NDST4: variants seen among roughly 807,000 people sequenced by gnomAD.
NDST4 encodes N-heparan sulfate sulfotransferase 4.
In NDST4, 63 loss-of-function variants were observed where a neutral mutation model predicts 100.8. The ratio of observed to expected loss-of-function variants is 0.62; its 90% CI spans 0.51 to 0.77. The LOEUF (loss-of-function observed/expected upper bound fraction) is 0.77. Among genes scored for constraint, NDST4 ranks in the 30% least tolerant of loss-of-function variants. The pLI is 0.00. For synonymous variants in NDST4, 377 were observed against 361.8 expected, an observed-to-expected ratio of 1.04 and a Z score of -0.48; for missense variants, 943 against 1,018.4, an observed-to-expected ratio of 0.93 and a Z score of 1.01.
chr4:115,055,663 A>G (rs1728679210), intron 2 of NDST4, among the ~76,000 whole-genome samples: 1 of 152,126 alleles, frequency 6.6e-6, no homozygotes, highest in Non-Finnish European at 1.5e-5. Flanking sequence ...GGTGATTTCA[A>G]TATGTTTAAT....
intron 6 of NDST4, among the ~76,000 whole-genome samples, chr4:114,880,750 C>A (rs1724349992): frequency 6.6e-6 from 1 of 152,106 alleles, no homozygotes; most frequent in African/African-American, 2.4e-5. Context: ...AAAAAGAGAA[C>A]AGCAGATTAT....
chr4:115,026,319 T>A (rs755889397), intron 2 of NDST4, among the ~76,000 whole-genome samples: 11 of 152,092 alleles, frequency 7.2e-5, no homozygotes, highest in Non-Finnish European at 8.8e-5. Flanking sequence ...TATAGTTAAG[T>A]ATATTTGAAC....
chr4:114,835,641 T>C (rs2126181529), intron 11 of NDST4, among the ~76,000 whole-genome samples: 1 of 152,318 alleles, frequency 6.6e-6, no homozygotes, highest in Non-Finnish European at 1.5e-5. Context: ...TTCCATTTAG[T>C]CCAGAGCTGA....
chr4:114,968,670 T>C (rs1392990453), intron 4 of NDST4, among the ~76,000 whole-genome samples: 2 of 152,214 alleles, frequency 1.3e-5, no homozygotes, highest in Non-Finnish European at 2.9e-5. Flanking sequence ...TAAATGTAAA[T>C]TTTATATAAT....
intron 2 of NDST4, among the ~76,000 whole-genome samples, chr4:114,978,566 A>G (rs971940460): frequency 1.7e-4 from 26 of 152,240 alleles, no homozygotes; most frequent in African/African-American, 6.3e-4. Flanking sequence ...CATTTCTCAT[A>G]GAGATTAAAC....
intron 2 of NDST4, among the ~76,000 whole-genome samples, chr4:115,031,680 T>C (rs1728119057): frequency 6.6e-6 from 1 of 152,082 alleles, no homozygotes; most frequent in African/African-American, 2.4e-5. Context: ...ATCACCTTTC[T>C]CTCCAAACAG....
chr4:114,905,391 C>G (rs1160351133), intron 6 of NDST4, among the ~76,000 whole-genome samples: 1 of 151,696 alleles, frequency 6.6e-6, no homozygotes, highest in African/African-American at 2.4e-5. Flanking sequence ...ACAGAGAGGA[C>G]AATCTGATTT....
chr4:115,023,464 A>G (rs1727905074), intron 2 of NDST4, among the ~76,000 whole-genome samples: 1 of 147,850 alleles, frequency 6.8e-6, no homozygotes, highest in African/African-American at 2.5e-5. Flanking sequence ...CAGCCTGGGC[A>G]ACAAGAGCAA....
intron 6 of NDST4, among the ~76,000 whole-genome samples, chr4:114,913,125 G>GA (rs1220431887): frequency 1.1e-4 from 16 of 140,840 alleles, no homozygotes; most frequent in Middle Eastern, 3.5e-3. Flanking sequence ...ACAGGCCACA[G>GA]AAAAAAAAAT....
intron 2 of NDST4, among the ~76,000 whole-genome samples, chr4:115,045,478 C>T (rs1013883472): frequency 2.0e-5 from 3 of 152,144 alleles, no homozygotes; most frequent in Admixed American, 1.3e-4. Flanking sequence ...GTAGTTTCCA[C>T]AGAAATGATC....
At chr4:114,981,573 G>C (rs1726773730) in intron 2 of NDST4, among the ~76,000 whole-genome samples, 2 of 151,950 alleles carry the variant, frequency 1.3e-5, no homozygotes, top group African/African-American at 4.8e-5. Context: ...TTATCCTCTG[G>C]GGATTCTGAA....
chr4:114,910,570 A>C (rs1333132417), intron 6 of NDST4, among the ~76,000 whole-genome samples: 1 of 152,148 alleles, frequency 6.6e-6, no homozygotes, highest in East Asian at 1.9e-4. Context: ...TATGTTTTTG[A>C]AATGTGTTCT....
intron 2 of NDST4, among the ~76,000 whole-genome samples, chr4:115,055,091 C>T (rs1204541934): frequency 6.6e-6 from 1 of 152,060 alleles, no homozygotes; most frequent in African/African-American, 2.4e-5. Flanking sequence ...GGCGTGAACC[C>T]TATTGTAAAC....
chr4:115,035,376 T>C (rs1174395138), intron 2 of NDST4, among the ~76,000 whole-genome samples: 1 of 152,088 alleles, frequency 6.6e-6, no homozygotes, highest in Non-Finnish European at 1.5e-5. Flanking sequence ...TGTGGAAAGA[T>C]ATATCTTATA....
intron 6 of NDST4, among the ~76,000 whole-genome samples, chr4:114,909,608 C>CAGT (rs1384696934): frequency 6.9e-6 from 1 of 144,632 alleles, no homozygotes; most frequent in East Asian, 2.0e-4. Flanking sequence ...TGCAGTGAGC[C>CAGT]GAGATTGCGC....
At chr4:115,094,084 GAAAGT>G (rs1054614239) in intron 1 of NDST4, among the ~76,000 whole-genome samples, 2 of 151,786 alleles carry the variant, frequency 1.3e-5, no homozygotes, top group African/African-American at 4.8e-5. Context: ...ATGAAAAAGA[GAAAGT>G]AAACTACATC....
Position 115,098,370 on chromosome 4 carries a change from C to T in NDST4, c.-247+15074G>A, listed in dbSNP as rs569828852. Among the ~76,000 whole-genome samples, 4 of 152,188 alleles carry T rather than the reference C, an allele frequency of 2.6e-5. No individual in the cohort carries two copies. The South Asian group carries it at 8.3e-4, about 32-fold the overall frequency. On this transcript the variant is annotated intron_variant, in intron 1 of 13. Transcript: ENST00000264363. ...TAAACATTTCCTTTTAGAAAGTTATCTTTTGAGGAACTAAGAGGGTGGATT... is the reference window on the plus strand; with the variant it reads ...TAAACATTTCCTTTTAGAAAGTTATTTTTTGAGGAACTAAGAGGGTGGATT...
At chr4:115,081,567 A>G (rs563550347) in intron 1 of NDST4, among the ~76,000 whole-genome samples, 1 of 152,328 alleles carries the variant, frequency 6.6e-6, no homozygotes, top group South Asian at 2.1e-4. Context: ...CGAATAAGAC[A>G]ATTGAGATTA....
intron 2 of NDST4, among the ~76,000 whole-genome samples, chr4:114,982,012 G>A (rs151124108): frequency 6.6e-6 from 1 of 152,254 alleles, no homozygotes; most frequent in East Asian, 1.9e-4. Flanking sequence ...TTCAAAGTGT[G>A]TGGCACTTCC....
Sources: gnomAD v4.1 joint callset for allele counts (sites outside exome capture counted in the v4.1 genomes callset) on GRCh38, gnomAD v4.1.1 for gene constraint, MANE v1.5 for transcripts, NCBI Gene and HGNC (gene_info 2026-07-23, HGNC 2026-07-21) for gene names.